VPS35L: variants seen among roughly 807,000 people sequenced by gnomAD.
VPS35L encodes VPS35 endosomal protein sorting factor like.
In VPS35L, 83 loss-of-function variants were observed where a neutral mutation model predicts 133.0. The ratio of observed to expected loss-of-function variants is 0.62; its 90% confidence interval spans 0.52 to 0.75. VPS35L has a LOEUF of 0.75. Among genes scored for constraint, VPS35L ranks in the 30% least tolerant of loss-of-function variants. The pLI, the probability that VPS35L is intolerant of heterozygous loss-of-function variation, is 0.00. For synonymous variants in VPS35L, 423 were observed against 449.9 expected, an observed-to-expected ratio of 0.94 and a Z score of 0.76; for missense variants, 1,083 against 1,206.8, an observed-to-expected ratio of 0.90 and a Z score of 1.52.
At chr16:19,674,353 G>A (rs1018877125) in intron 27 of VPS35L, among the ~76,000 whole-genome samples, 9 of 138,856 alleles carry the variant, frequency 6.5e-5, no homozygotes, top group African/African-American at 2.1e-4. Context: ...CACCACACCT[G>A]GCTAATTTTT....
intron 9 of VPS35L, 48 bp downstream of exon 9, chr16:19,601,771 A>T (rs772092628): frequency 2.5e-6 from 4 of 1,580,468 alleles, no homozygotes; most frequent in Non-Finnish European, 3.5e-6. Flanking sequence ...TGGAGTCAGG[A>T]CTAGAAGGCT....
chr16:19,614,968 C>T (rs1775454710), intron 12 of VPS35L, among the ~76,000 whole-genome samples: 1 of 152,188 alleles, frequency 6.6e-6, no homozygotes, highest in Non-Finnish European at 1.5e-5. Flanking sequence ...ACTTCATGCT[C>T]ATGTTATATA....
intron 7 of VPS35L, among the ~76,000 whole-genome samples, chr16:19,589,584 C>T (rs772123534): frequency 1.3e-5 from 2 of 152,192 alleles, no homozygotes; most frequent in Non-Finnish European, 2.9e-5. Context: ...TTACCTGATT[C>T]TTATCAGACA....
At chr16:19,611,372 C>G (rs1200303809) in intron 12 of VPS35L, among the ~76,000 whole-genome samples, 2 of 152,144 alleles carry the variant, frequency 1.3e-5, no homozygotes, top group Admixed American at 1.3e-4. Context: ...CCCCTAGCAA[C>G]GAGAATCTTC....
chr16:19,575,087 T>A lies in VPS35L; in HGVS notation c.409-11T>A. Reference sequence around the variant, plus strand: ...ATTTTTAAAATATTAATGAATTTTATGTCTCTGCAGAATCTGTTTATGGGA... The same window carrying A: ...ATTTTTAAAATATTAATGAATTTTAAGTCTCTGCAGAATCTGTTTATGGGA... On this transcript the variant is annotated splice_polypyrimidine_tract_variant and intron_variant, in intron 4 of 30. Transcript: ENST00000417362. 1 of 1,597,008 alleles carries A rather than the reference T, an allele frequency of 6.3e-7. No homozygotes were observed. Among genetic ancestry groups the A allele is most frequent in the Non-Finnish European group, 8.5e-7 (1 of 1,170,218 alleles).
intron 26 of VPS35L, among the ~76,000 whole-genome samples, chr16:19,655,210 G>A (rs7202969): frequency 0.2 from 30,987 of 152,142 alleles, 5,782 homozygotes; most frequent in African/African-American, 0.49. Context: ...CTGCAGGAGA[G>A]TGGGAATGTG....
At chr16:19,656,686 A>G (rs1974313625) in intron 26 of VPS35L, among the ~76,000 whole-genome samples, 1 of 152,064 alleles carries the variant, frequency 6.6e-6, no homozygotes, top group Non-Finnish European at 1.5e-5. Context: ...GGCACATAGT[A>G]GCTGCTTAGT....
intron 7 of VPS35L, 71 bp downstream of exon 7, chr16:19,581,724 T>G: frequency 1.2e-5 from 18 of 1,564,016 alleles, no homozygotes; most frequent in Non-Finnish European, 1.6e-5. Flanking sequence ...ACTTAGAGTT[T>G]TCAGGGGCCT....
At chr16:19,660,890 A>G (rs1302909928) in intron 26 of VPS35L, among the ~76,000 whole-genome samples, 1 of 152,188 alleles carries the variant, frequency 6.6e-6, no homozygotes, top group Non-Finnish European at 1.5e-5. Context: ...GCCCTGAGAT[A>G]AAAGTCTCCA....
intron 8 of VPS35L, 117 bp downstream of exon 8, chr16:19,591,991 T>C: frequency 2.6e-6 from 2 of 779,306 alleles, no homozygotes; most frequent in Admixed American, 2.1e-5. Context: ...AAGTAAGTCA[T>C]GGGAGAGATC....
At chr16:19,679,528 C>T (rs1975192387) in intron 27 of VPS35L, among the ~76,000 whole-genome samples, 2 of 148,114 alleles carry the variant, frequency 1.4e-5, no homozygotes, top group Admixed American at 1.4e-4. Flanking sequence ...TTTTTGGAGA[C>T]AGAGTCTCGC....
chr16:19,558,961 T>C (rs151248826), intron 1 of VPS35L, among the ~76,000 whole-genome samples: 234 of 147,438 alleles, frequency 1.6e-3, no homozygotes, highest in African/African-American at 5.9e-3. Context: ...TCAGAATCTC[T>C]ACATCATTTT....
chr16:19,681,785 G>A (rs909167944), intron 27 of VPS35L, among the ~76,000 whole-genome samples: 1 of 152,170 alleles, frequency 6.6e-6, no homozygotes, highest in Non-Finnish European at 1.5e-5. Flanking sequence ...AGTGGTGGCA[G>A]GGATCATCCG....
chr16:19,676,887 T>A (rs1180929998), intron 27 of VPS35L, among the ~76,000 whole-genome samples: 1 of 152,050 alleles, frequency 6.6e-6, no homozygotes, highest in Non-Finnish European at 1.5e-5. Context: ...CAACTACAGT[T>A]GGCACTGGTC....
chr16:19,574,829 G>A (rs1040170360), intron 4 of VPS35L, among the ~76,000 whole-genome samples: 4 of 152,126 alleles, frequency 2.6e-5, no homozygotes, highest in African/African-American at 9.7e-5. Flanking sequence ...TGGCAGTAGT[G>A]TAGAGGGTGA....
chr16:19,679,169 A>G (rs1975171551), intron 27 of VPS35L, among the ~76,000 whole-genome samples: 9 of 147,760 alleles, frequency 6.1e-5, no homozygotes, highest in African/African-American at 2.0e-4. Context: ...GGGGGCGGGG[A>G]GGTTCCCAGC....
chr16:19,611,804 T>C (rs1379322849), intron 12 of VPS35L: 1 of 152,020 alleles, frequency 6.6e-6, no homozygotes, highest in Non-Finnish European at 1.5e-5. Flanking sequence ...ATCAGGTGTG[T>C]TTCCAAGGAC....
intron 24 of VPS35L, among the ~76,000 whole-genome samples, 168 bp from the exon 25 acceptor site, chr16:19,650,214 A>G (rs184404898): frequency 3.9e-5 from 6 of 152,298 alleles, no homozygotes; most frequent in African/African-American, 1.4e-4. Context: ...TGATTGGATC[A>G]GGCCTGATGA....
intron 8 of VPS35L, among the ~76,000 whole-genome samples, chr16:19,600,764 G>A (rs145753331): frequency 6.6e-6 from 1 of 152,144 alleles, no homozygotes; most frequent in African/African-American, 2.4e-5. Flanking sequence ...GAGACAGTAG[G>A]GGGTGGTTGA....
Sources: gnomAD v4.1 joint callset for allele counts (sites outside exome capture counted in the v4.1 genomes callset) on GRCh38, gnomAD v4.1.1 for gene constraint, MANE v1.5 for transcripts, NCBI Gene and HGNC (gene_info 2026-07-23, HGNC 2026-07-21) for gene names.